The following ASIC2 variants were observed in gnomAD, a reference collection of about 807,000 sequenced individuals.
ASIC2 encodes acid sensing ion channel subunit 2.
A neutral mutation model predicts 57.3 loss-of-function variants in ASIC2; 25 were observed. That is an observed-to-expected ratio of 0.44 (90% CI 0.32 to 0.61). The LOEUF (loss-of-function observed/expected upper bound fraction) is 0.61. ASIC2 is among the 20% of genes least tolerant of loss of function. The pLI is 0.06. For missense variants in ASIC2, 641 were observed against 738.1 expected, an observed-to-expected ratio of 0.87 and a Z score of 1.52; for synonymous variants, 319 against 307.5, an observed-to-expected ratio of 1.04 and a Z score of -0.39.
At chr17:33,943,492 G>T (rs2141980263) in intron 1 of ASIC2, among the ~76,000 whole-genome samples, 1 of 152,178 alleles carries the variant, frequency 6.6e-6, no homozygotes, top group East Asian at 1.9e-4. Context: ...AAACAACCTT[G>T]CCCAGTAAGA....
At chr17:33,475,248 C>A (rs540882052) in intron 1 of ASIC2, among the ~76,000 whole-genome samples, 2 of 151,872 alleles carry the variant, frequency 1.3e-5, no homozygotes, top group South Asian at 2.1e-4. Context: ...CCCCACCCCC[C>A]AGTATTTAAC....
intron 1 of ASIC2, among the ~76,000 whole-genome samples, chr17:33,310,266 T>A (rs910831113): frequency 6.6e-6 from 1 of 151,920 alleles, no homozygotes; most frequent in African/African-American, 2.4e-5. Flanking sequence ...GGTATCAGGA[T>A]CTCTAGGGTC....
intron 1 of ASIC2, among the ~76,000 whole-genome samples, chr17:33,804,057 C>T (rs954452845): frequency 4.6e-5 from 7 of 152,182 alleles, no homozygotes; most frequent in African/African-American, 7.2e-5. Flanking sequence ...CCTTTGAAGT[C>T]AGCTTGAGAC....
chr17:33,362,360 G>C (rs1908644052), intron 1 of ASIC2, among the ~76,000 whole-genome samples: 1 of 152,172 alleles, frequency 6.6e-6, no homozygotes, highest in Admixed American at 6.5e-5. Context: ...GCTCTTGATG[G>C]GCAAATAGCT....
intron 1 of ASIC2, among the ~76,000 whole-genome samples, chr17:33,728,983 T>A (rs1909651061): frequency 6.6e-6 from 1 of 152,086 alleles, no homozygotes; most frequent in Non-Finnish European, 1.5e-5. Flanking sequence ...GACAACATAA[T>A]CAAATTGCAC....
intron 1 of ASIC2, among the ~76,000 whole-genome samples, chr17:33,326,256 T>C (rs1284384318): frequency 6.6e-6 from 1 of 152,220 alleles, no homozygotes; most frequent in Non-Finnish European, 1.5e-5. Flanking sequence ...ACCCATTTTA[T>C]GAGCAAGGAA....
intron 1 of ASIC2, among the ~76,000 whole-genome samples, chr17:33,337,088 C>G (rs1907544090): frequency 6.6e-6 from 1 of 152,094 alleles, no homozygotes; most frequent in African/African-American, 2.4e-5. Context: ...GGGTCCTGCC[C>G]CCTCACAGAG....
At chr17:33,317,624 T>C (rs1052187949) in intron 1 of ASIC2, among the ~76,000 whole-genome samples, 2 of 152,146 alleles carry the variant, frequency 1.3e-5, no homozygotes, top group Non-Finnish European at 2.9e-5. Flanking sequence ...CCAGGTACTG[T>C]GCTGAGTACC....
intron 1 of ASIC2, among the ~76,000 whole-genome samples, chr17:33,608,596 A>G (rs1347134199): frequency 6.6e-6 from 1 of 151,990 alleles, no homozygotes; most frequent in Non-Finnish European, 1.5e-5. Context: ...CTGAGACCCA[A>G]CCCAGGATGA....
intron 1 of ASIC2, among the ~76,000 whole-genome samples, chr17:33,968,786 C>T (rs1263883568): frequency 6.6e-6 from 1 of 152,216 alleles, no homozygotes; most frequent in Non-Finnish European, 1.5e-5. Context: ...AGTGAAACCA[C>T]AGCACAGCCT....
intron 1 of ASIC2, among the ~76,000 whole-genome samples, chr17:34,121,267 ATGTC>A (rs1239443085): frequency 1.3e-5 from 2 of 151,524 alleles, no homozygotes; most frequent in African/African-American, 4.9e-5. Context: ...GAGACAGTAA[ATGTC>A]TGTTGTTTTA....
At chr17:33,543,521 A>G (rs927206675) in intron 1 of ASIC2, among the ~76,000 whole-genome samples, 1 of 152,106 alleles carries the variant, frequency 6.6e-6, no homozygotes, top group African/African-American at 2.4e-5. Flanking sequence ...TTTGACCAGA[A>G]TGTTGGTTTC....
chr17:33,334,011 C>T (rs1907418363), intron 1 of ASIC2, among the ~76,000 whole-genome samples: 1 of 152,206 alleles, frequency 6.6e-6, no homozygotes, highest in Non-Finnish European at 1.5e-5. Flanking sequence ...AAAATGGATG[C>T]ATTCAATGCC....
intron 1 of ASIC2, among the ~76,000 whole-genome samples, chr17:33,564,858 TG>T (rs1389063023): frequency 6.6e-6 from 1 of 152,238 alleles, no homozygotes; most frequent in East Asian, 1.9e-4. Flanking sequence ...AACAATAGCA[TG>T]GGTGATCTGT....
chr17:33,924,038 G>A (rs143805085), intron 1 of ASIC2, among the ~76,000 whole-genome samples: 3 of 152,230 alleles, frequency 2.0e-5, no homozygotes, highest in Non-Finnish European at 4.4e-5. Flanking sequence ...CCTGGCCCCT[G>A]CTCCCATCCC....
chr17:33,814,004 C>T (rs1169855931), intron 1 of ASIC2, among the ~76,000 whole-genome samples: 1 of 152,018 alleles, frequency 6.6e-6, no homozygotes, highest in Admixed American at 6.6e-5. Flanking sequence ...CTATCCACAC[C>T]TATGATTCAG....
intron 1 of ASIC2, among the ~76,000 whole-genome samples, chr17:34,098,198 T>C (rs1910614963): frequency 6.6e-6 from 1 of 152,150 alleles, no homozygotes; most frequent in African/African-American, 2.4e-5. Flanking sequence ...GAGCAGCCTG[T>C]CACTGTGCAG....
chr17:33,711,191 G>A (rs1232605180), intron 1 of ASIC2, among the ~76,000 whole-genome samples: 1 of 152,228 alleles, frequency 6.6e-6, no homozygotes, highest in African/African-American at 2.4e-5. Flanking sequence ...CTGTGCCTCT[G>A]CTGCACTGCA....
chr17:34,013,803 G>GA (rs373975210), intron 1 of ASIC2, among the ~76,000 whole-genome samples: 302 of 152,306 alleles, frequency 2.0e-3, no homozygotes, highest in African/African-American at 6.8e-3. Context: ...TTTACCCTCA[G>GA]ACATGTGCAT....
Sources: allele counts gnomAD v4.1 joint callset (sites outside exome capture counted in the v4.1 genomes callset), GRCh38; gene constraint gnomAD v4.1.1; transcripts MANE v1.5; gene names NCBI Gene and HGNC (gene_info 2026-07-23, HGNC 2026-07-21).